AFF3: variants seen among roughly 807,000 people sequenced by gnomAD.
AFF3 encodes the protein ALF transcription elongation factor 3.
AFF3 carries 32 observed loss-of-function variants against 129.7 expected under a neutral mutation model. That is an observed-to-expected ratio of 0.25 (90% CI 0.19 to 0.33). The LOEUF is 0.33. AFF3 is among the 10% of genes least tolerant of loss of function. AFF3 has a pLI of 1.00. For missense variants in AFF3, 1,373 were observed against 1,592.0 expected (o/e 0.86, Z 2.34); for synonymous variants, 644 against 635.4 (o/e 1.01, Z -0.20).
At chr2:99,997,272 T>TGCCCCC (rs773735274) in intron 7 of AFF3, among the ~76,000 whole-genome samples, 90 of 152,316 alleles carry the variant, frequency 5.9e-4, no homozygotes, top group Admixed American at 1.2e-3. Context: ...CTCTTGCTCT[T>TGCCCCC]GCCCCCAAAA....
At chr2:100,017,986 A>G (rs1008157640) in intron 4 of AFF3, among the ~76,000 whole-genome samples, 1 of 151,626 alleles carries the variant, frequency 6.6e-6, no homozygotes, top group African/African-American at 2.4e-5. Flanking sequence ...CATTCTTCCA[A>G]GATCTGCTAT....
chr2:100,072,522 C>G (rs1406390545), intron 4 of AFF3, among the ~76,000 whole-genome samples: 1 of 152,162 alleles, frequency 6.6e-6, no homozygotes, highest in Admixed American at 6.5e-5. Context: ...GAGAGCTGAT[C>G]CTGAGTTGGG....
At chr2:99,610,096 C>T (rs1461707940) in intron 13 of AFF3, among the ~76,000 whole-genome samples, 1 of 152,172 alleles carries the variant, frequency 6.6e-6, no homozygotes, top group African/African-American at 2.4e-5. Context: ...AATAGATAAC[C>T]ACCTTTAACT....
chr2:99,847,609 C>T (rs1027561607), intron 7 of AFF3, among the ~76,000 whole-genome samples: 3 of 151,956 alleles, frequency 2.0e-5, no homozygotes, highest in African/African-American at 7.2e-5. Flanking sequence ...AGGTGCGTGT[C>T]CCAGTAAAAG....
chr2:100,060,048 C>T (rs1479429243), intron 4 of AFF3, among the ~76,000 whole-genome samples: 1 of 152,148 alleles, frequency 6.6e-6, no homozygotes, highest in Non-Finnish European at 1.5e-5. Context: ...AGGGGTCCCA[C>T]ACACACACGT....
chr2:99,955,328 A>G (rs1451101414), intron 7 of AFF3, among the ~76,000 whole-genome samples: 2 of 152,242 alleles, frequency 1.3e-5, no homozygotes, highest in African/African-American at 2.4e-5. Flanking sequence ...TCCTCTAGAC[A>G]TAATTATTCC....
At chr2:99,858,716 A>G (rs1269679456) in intron 7 of AFF3, among the ~76,000 whole-genome samples, 8 of 152,176 alleles carry the variant, frequency 5.3e-5, no homozygotes, top group African/African-American at 1.9e-4. Flanking sequence ...ACATGGACAC[A>G]TAGAGGGGAA....
chr2:99,554,788 T>C, intron 22 of AFF3, 56 bp from the exon 23 acceptor site: 1 of 1,602,356 alleles, frequency 6.2e-7, no homozygotes, highest in South Asian at 1.1e-5. Context: ...GTGAAACAGG[T>C]GACATGAACG....
At chr2:99,748,034 G>A (rs1681318020) in intron 9 of AFF3, among the ~76,000 whole-genome samples, 1 of 152,070 alleles carries the variant, frequency 6.6e-6, no homozygotes, top group African/African-American at 2.4e-5. Flanking sequence ...TAAGGTGTCT[G>A]CTGGCAAACC....
chr2:99,969,757 C>T (rs1188574913), intron 7 of AFF3, among the ~76,000 whole-genome samples: 1 of 152,154 alleles, frequency 6.6e-6, no homozygotes, highest in Non-Finnish European at 1.5e-5. Flanking sequence ...CCCGCCTTGG[C>T]CTCCTGAAGT....
intron 11 of AFF3, among the ~76,000 whole-genome samples, chr2:99,717,770 CTCTG>C (rs1678524924): frequency 6.6e-6 from 1 of 152,194 alleles, no homozygotes. Flanking sequence ...TGTAAGACAT[CTCTG>C]TCTGTTCCTA....
chr2:99,814,231 A>AACC (rs60855066), intron 8 of AFF3, among the ~76,000 whole-genome samples: 27,566 of 150,962 alleles, frequency 0.18, 3,114 homozygotes, highest in South Asian at 0.28. Flanking sequence ...TAATCACACA[A>AACC]ACCACCACCA....
intron 4 of AFF3, among the ~76,000 whole-genome samples, chr2:100,099,889 C>T (rs1294097789): frequency 2.6e-5 from 4 of 151,142 alleles, no homozygotes; most frequent in Non-Finnish European, 4.4e-5. Flanking sequence ...GTTTCACTTA[C>T]GTGTATGCAT....
intron 8 of AFF3, among the ~76,000 whole-genome samples, chr2:99,815,446 C>T (rs1576071440): frequency 6.6e-6 from 1 of 152,204 alleles, no homozygotes; most frequent in Admixed American, 6.5e-5. Flanking sequence ...CAGCACAAGT[C>T]CCGGCTCCTG....
intron 7 of AFF3, among the ~76,000 whole-genome samples, chr2:99,930,847 C>CA (rs1246470368): frequency 6.6e-6 from 1 of 151,990 alleles, no homozygotes; most frequent in Non-Finnish European, 1.5e-5. Flanking sequence ...TTTTCAAGGA[C>CA]ATGTTCCATT....
chr2:100,140,978 G>GTGA (rs70940197), intron 1 of AFF3, among the ~76,000 whole-genome samples: 341 of 151,028 alleles, frequency 2.3e-3, no homozygotes, highest in Non-Finnish European at 3.7e-3. Flanking sequence ...ACAAAAGGTA[G>GTGA]TGATGATGAT....
intron 7 of AFF3, among the ~76,000 whole-genome samples, chr2:99,975,123 T>C (rs1198361217): frequency 6.6e-6 from 1 of 152,204 alleles, no homozygotes; most frequent in African/African-American, 2.4e-5. Flanking sequence ...AACTTACTGT[T>C]AGGCCAAGGT....
chr2:99,731,448 AC>A (rs1679823989), intron 10 of AFF3, among the ~76,000 whole-genome samples: 1 of 152,016 alleles, frequency 6.6e-6, no homozygotes, highest in Non-Finnish European at 1.5e-5. Context: ...TTGATTAATC[AC>A]CTTCTGACAG....
chr2:99,683,306 T>C (rs1674706090), intron 11 of AFF3, among the ~76,000 whole-genome samples: 1 of 152,240 alleles, frequency 6.6e-6, no homozygotes. Flanking sequence ...CCTAGGAATG[T>C]TGTAGAAAAT....
Sources: allele counts gnomAD v4.1 joint callset (sites outside exome capture counted in the v4.1 genomes callset), GRCh38; gene constraint gnomAD v4.1.1; transcripts MANE v1.5; gene names NCBI Gene and HGNC (gene_info 2026-07-23, HGNC 2026-07-21).